Variants in FIGN observed in about 807,000 individuals in gnomAD.
FIGN encodes the protein fidgetin, microtubule severing factor.
A neutral mutation model predicts 51.3 loss-of-function variants in FIGN; 11 were observed. That is an observed-to-expected ratio of 0.21 (90% CI 0.13 to 0.35). The LOEUF is 0.35. FIGN is among the 10% of genes least tolerant of loss of function. The pLI is 1.00. For missense variants in FIGN, 857 were observed against 943.6 expected (o/e 0.91, Z 1.20); for synonymous variants, 407 against 363.2 (o/e 1.12, Z -1.37).
At chr2:163,630,171 G>A (rs1163962014) in intron 2 of FIGN, among the ~76,000 whole-genome samples, 2 of 151,442 alleles carry the variant, frequency 1.3e-5, no homozygotes, top group Non-Finnish European at 2.9e-5. Context: ...TCATGATATT[G>A]CCCAGATTGG....
intron 2 of FIGN, among the ~76,000 whole-genome samples, chr2:163,669,069 A>T (rs1683834049): frequency 6.7e-6 from 1 of 149,380 alleles, no homozygotes; most frequent in African/African-American, 2.5e-5. Context: ...AAGGAAAGAT[A>T]TTCATCCTGC....
chr2:163,660,229 C>A (rs1683629139), intron 2 of FIGN, among the ~76,000 whole-genome samples: 1 of 152,110 alleles, frequency 6.6e-6, no homozygotes, highest in Non-Finnish European at 1.5e-5. Context: ...CTCTGCATAG[C>A]CTAAATATTT....
intron 2 of FIGN, among the ~76,000 whole-genome samples, chr2:163,656,898 G>A (rs1442330281): frequency 6.6e-6 from 1 of 152,070 alleles, no homozygotes; most frequent in East Asian, 1.9e-4. Flanking sequence ...ATGTAAAGAT[G>A]CCTGGCATGT....
At position 163,730,826 on chromosome 2, in the gene FIGN, A is replaced by G. The variant is rs561297948; in HGVS notation, c.25+4077T>C. Reference sequence around the variant, plus strand: ...AAACATCTGCAGAATAGTTTCTTCCAATCAAAAATTTATAAATCAATTTAA... The same window carrying G: ...AAACATCTGCAGAATAGTTTCTTCCGATCAAAAATTTATAAATCAATTTAA... On this transcript the variant is annotated intron_variant, in intron 2 of 2. Coordinates refer to ENST00000333129, the MANE Select transcript of FIGN (RefSeq NM_018086.4). Among the ~76,000 whole-genome samples the G allele has an allele frequency of 5.9e-5, 9 of 152,294 alleles. No individual in the cohort carries two copies. In the East Asian group the frequency reaches 1.7e-3, roughly 29 times the overall value.
chr2:163,617,223 T>A (rs1321462442), intron 2 of FIGN: 1 of 984,692 alleles, frequency 1.0e-6, no homozygotes, highest in Admixed American at 6.2e-5. Flanking sequence ...GAAGAAGCAC[T>A]GAAATTACGT....
chr2:163,680,651 A>G (rs965754151), intron 2 of FIGN, among the ~76,000 whole-genome samples: 1 of 152,076 alleles, frequency 6.6e-6, no homozygotes, highest in African/African-American at 2.4e-5. Context: ...ATAATTTGGC[A>G]GCTACCTACA....
chr2:163,641,386 A>G (rs938007854), intron 2 of FIGN, among the ~76,000 whole-genome samples: 3 of 151,976 alleles, frequency 2.0e-5, no homozygotes, highest in African/African-American at 7.3e-5. Context: ...TTAAACAGCA[A>G]AAGCTCCAAT....
intron 2 of FIGN, among the ~76,000 whole-genome samples, 182 bp downstream of exon 2, chr2:163,734,721 T>C (rs1256708072): frequency 6.6e-6 from 1 of 152,064 alleles, no homozygotes; most frequent in African/African-American, 2.4e-5. Flanking sequence ...AAAACTGCAA[T>C]ATACAAACAA....
intron 2 of FIGN, among the ~76,000 whole-genome samples, chr2:163,630,297 G>T (rs1415019279): frequency 6.6e-6 from 1 of 151,950 alleles, no homozygotes; most frequent in Non-Finnish European, 1.5e-5. Context: ...GAGATGGGTA[G>T]GAAGGAGCTA....
chr2:163,662,636 G>A (rs774306820), intron 2 of FIGN, among the ~76,000 whole-genome samples: 12 of 152,148 alleles, frequency 7.9e-5, no homozygotes, highest in African/African-American at 1.2e-4. Flanking sequence ...CCAGTGCTGG[G>A]TGCAGCCTAG....
chr2:163,722,254 G>A (rs1345057146), intron 2 of FIGN, among the ~76,000 whole-genome samples: 1 of 152,218 alleles, frequency 6.6e-6, no homozygotes, highest in African/African-American at 2.4e-5. Context: ...CGTATCAACT[G>A]TAGATCAACT....
At chr2:163,732,359 T>C (rs1684944257) in intron 2 of FIGN, among the ~76,000 whole-genome samples, 1 of 152,092 alleles carries the variant, frequency 6.6e-6, no homozygotes, top group Non-Finnish European at 1.5e-5. Flanking sequence ...AAAAGCTAAT[T>C]TGTCACAAAT....
chr2:163,666,587 G>T (rs1253901912), intron 2 of FIGN, among the ~76,000 whole-genome samples: 1 of 152,142 alleles, frequency 6.6e-6, no homozygotes, highest in Non-Finnish European at 1.5e-5. Context: ...GACACTGAGG[G>T]CAAGGAAGGT....
At chr2:163,668,971 A>G (rs1009759961) in intron 2 of FIGN, among the ~76,000 whole-genome samples, 16 of 150,196 alleles carry the variant, frequency 1.1e-4, no homozygotes, top group African/African-American at 3.5e-4. Context: ...GACATTTAGT[A>G]TAGATTTCAG....
intron 2 of FIGN, among the ~76,000 whole-genome samples, chr2:163,726,248 G>T (rs1293471734): frequency 2.0e-5 from 3 of 151,974 alleles, no homozygotes; most frequent in Non-Finnish European, 4.4e-5. Context: ...CAAAAACGTT[G>T]CTTAATCTTC....
intron 2 of FIGN, among the ~76,000 whole-genome samples, chr2:163,653,867 A>AT (rs1222699484): frequency 6.6e-6 from 1 of 152,076 alleles, no homozygotes; most frequent in Non-Finnish European, 1.5e-5. Flanking sequence ...ACACTTAAAA[A>AT]TTTTTTTATT....
intron 2 of FIGN, among the ~76,000 whole-genome samples, chr2:163,645,955 G>A (rs1683374993): frequency 6.6e-6 from 1 of 151,986 alleles, no homozygotes; most frequent in Admixed American, 6.6e-5. Flanking sequence ...TCCAGAACCT[G>A]GACTATATTT....
chr2:163,630,677 G>C (rs571366251), intron 2 of FIGN, among the ~76,000 whole-genome samples: 8 of 146,652 alleles, frequency 5.5e-5, no homozygotes, highest in African/African-American at 1.6e-4. Flanking sequence ...CAAAAAAAAG[G>C]GGGGGGGGAA....
At chr2:163,668,794 A>G (rs1045671162) in intron 2 of FIGN, among the ~76,000 whole-genome samples, 5 of 151,632 alleles carry the variant, frequency 3.3e-5, no homozygotes, top group African/African-American at 4.8e-5. Context: ...ACAAAAAATT[A>G]GCCGGGCGTG....
Sources: allele counts gnomAD v4.1 joint callset (sites outside exome capture counted in the v4.1 genomes callset), GRCh38; gene constraint gnomAD v4.1.1; transcripts MANE v1.5; gene names NCBI Gene and HGNC (gene_info 2026-07-23, HGNC 2026-07-21).